CNTN5: variants seen among roughly 807,000 people sequenced by gnomAD.
CNTN5 encodes the protein contactin 5.
In CNTN5, 77 loss-of-function variants were observed where a neutral mutation model predicts 129.1. That is an observed-to-expected ratio of 0.60 (90% confidence interval 0.50 to 0.72). CNTN5 has a LOEUF of 0.72. CNTN5 is among the 30% of genes least tolerant of loss of function. The pLI, the probability that CNTN5 is intolerant of heterozygous loss-of-function variation, is 0.00. For missense variants in CNTN5, 1,478 were observed against 1,328.8 expected, an observed-to-expected ratio of 1.11 and a Z score of -1.75; for synonymous variants, 509 against 465.6, an observed-to-expected ratio of 1.09 and a Z score of -1.20.
intron 7 of CNTN5, among the ~76,000 whole-genome samples, chr11:99,953,023 A>G (rs1181192907): frequency 6.6e-6 from 1 of 152,234 alleles, no homozygotes; most frequent in Non-Finnish European, 1.5e-5. Context: ...GTGTACACAC[A>G]CTATTAGAAA....
chr11:99,129,089 G>T (rs1483448443), intron 1 of CNTN5, among the ~76,000 whole-genome samples: 1 of 152,190 alleles, frequency 6.6e-6, no homozygotes, highest in African/African-American at 2.4e-5. Context: ...CACAGAACGG[G>T]GATGAAGTTG....
At chr11:100,212,895 A>G (rs1007645293) in intron 15 of CNTN5, among the ~76,000 whole-genome samples, 3 of 152,086 alleles carry the variant, frequency 2.0e-5, no homozygotes, top group Admixed American at 6.6e-5. Context: ...AAATATTGCA[A>G]ACTTTCTTAA....
intron 2 of CNTN5, among the ~76,000 whole-genome samples, chr11:99,554,411 C>CAAT (rs1252792541): frequency 6.6e-6 from 1 of 152,078 alleles, no homozygotes; most frequent in Admixed American, 6.6e-5. Context: ...CTTCATGAGT[C>CAAT]AATGCTCCTT....
At chr11:99,432,148 C>CA in intron 2 of CNTN5, among the ~76,000 whole-genome samples, 1 of 152,148 alleles carries the variant, frequency 6.6e-6, no homozygotes, top group Non-Finnish European at 1.5e-5. Context: ...CTTAATATAT[C>CA]CCTTTTGTGA....
intron 6 of CNTN5, among the ~76,000 whole-genome samples, chr11:99,875,036 G>A (rs925110413): frequency 2.6e-5 from 4 of 152,102 alleles, no homozygotes; most frequent in Admixed American, 6.6e-5. Flanking sequence ...GATTACTGGA[G>A]GTGCTCATTG....
chr11:99,301,549 A>G (rs986895992), intron 1 of CNTN5, among the ~76,000 whole-genome samples: 15 of 151,878 alleles, frequency 9.9e-5, no homozygotes, highest in Non-Finnish European at 2.1e-4. Context: ...TATGATCATT[A>G]TAAGTATTTA....
intron 3 of CNTN5, among the ~76,000 whole-genome samples, chr11:99,796,398 G>C (rs1224733192): frequency 6.6e-6 from 1 of 151,944 alleles, no homozygotes; most frequent in Admixed American, 6.6e-5. Flanking sequence ...CAAAGTGATA[G>C]GGGGGTAGCC....
At chr11:99,490,052 A>G (rs1945976035) in intron 2 of CNTN5, among the ~76,000 whole-genome samples, 1 of 152,122 alleles carries the variant, frequency 6.6e-6, no homozygotes. Flanking sequence ...CACTTCTTAG[A>G]TTTCTTATTT....
intron 7 of CNTN5, among the ~76,000 whole-genome samples, chr11:99,950,647 T>C (rs1950652765): frequency 6.6e-6 from 1 of 152,236 alleles, no homozygotes; most frequent in Non-Finnish European, 1.5e-5. Context: ...AGGTACAAGA[T>C]GAATTTATAT....
At chr11:99,236,175 T>A (rs1171270873) in intron 1 of CNTN5, among the ~76,000 whole-genome samples, 3 of 152,148 alleles carry the variant, frequency 2.0e-5, no homozygotes, top group South Asian at 4.1e-4. Flanking sequence ...CCACTCATAA[T>A]TGAGATAAAA....
intron 6 of CNTN5, among the ~76,000 whole-genome samples, chr11:99,881,546 G>A (rs527287515): frequency 6.6e-6 from 1 of 152,212 alleles, no homozygotes; most frequent in South Asian, 2.1e-4. Context: ...CATATCAGTA[G>A]CATACAATAT....
intron 13 of CNTN5, among the ~76,000 whole-genome samples, chr11:100,167,143 C>A (rs780569021): frequency 9.9e-5 from 15 of 151,604 alleles, no homozygotes; most frequent in Non-Finnish European, 2.1e-4. Context: ...ACCCCGCCCC[C>A]AAATTCCAAT....
chr11:99,299,900 A>G (rs1864555170), intron 1 of CNTN5, among the ~76,000 whole-genome samples: 1 of 152,092 alleles, frequency 6.6e-6, no homozygotes, highest in Admixed American at 6.6e-5. Context: ...CTTTCCCTTC[A>G]GATAGATATA....
At chr11:99,708,640 C>T (rs1223606307) in intron 3 of CNTN5, among the ~76,000 whole-genome samples, 3 of 151,610 alleles carry the variant, frequency 2.0e-5, no homozygotes, top group Non-Finnish European at 4.4e-5. Context: ...TATCCTCCTC[C>T]ATTTTTCTTC....
intron 3 of CNTN5, among the ~76,000 whole-genome samples, chr11:99,574,860 G>A (rs1255824943): frequency 1.3e-5 from 2 of 152,050 alleles, no homozygotes; most frequent in African/African-American, 4.8e-5. Context: ...CCACTCCGTA[G>A]GTTGTCTGTT....
chr11:99,368,807 G>A (rs773999351), intron 2 of CNTN5, among the ~76,000 whole-genome samples: 119 of 152,176 alleles, frequency 7.8e-4, no homozygotes, highest in Non-Finnish European at 1.4e-3. Context: ...AACAGGCGAC[G>A]AAGAATTATT....
intron 3 of CNTN5, among the ~76,000 whole-genome samples, chr11:99,793,783 T>G (rs1945837601): frequency 6.6e-6 from 1 of 152,110 alleles, no homozygotes; most frequent in Non-Finnish European, 1.5e-5. Context: ...GGTATAAGAG[T>G]GTGGTTGATT....
chr11:100,080,633 G>A (rs1944324808), intron 13 of CNTN5, among the ~76,000 whole-genome samples: 1 of 152,076 alleles, frequency 6.6e-6, no homozygotes, highest in South Asian at 2.1e-4. Context: ...TTAGGGCCCT[G>A]TTTTTGTCCC....
intron 23 of CNTN5, among the ~76,000 whole-genome samples, chr11:100,349,546 T>C (rs1351374759): frequency 6.6e-6 from 1 of 151,918 alleles, no homozygotes; most frequent in African/African-American, 2.4e-5. Context: ...AATTGAAGTT[T>C]ACAAAATTTA....
Sources: gnomAD v4.1 joint callset for allele counts (sites outside exome capture counted in the v4.1 genomes callset) on GRCh38, gnomAD v4.1.1 for gene constraint, MANE v1.5 for transcripts, NCBI Gene and HGNC (gene_info 2026-07-23, HGNC 2026-07-21) for gene names.